The following ZNF45 variants were observed in gnomAD, a reference collection of about 807,000 sequenced individuals.
The protein encoded by ZNF45 is BRC1744.
ZNF45 carries 4 observed loss-of-function variants against 12.0 expected under a neutral mutation model. That is an observed-to-expected ratio of 0.33 (90% CI 0.16 to 0.76). The LOEUF (loss-of-function observed/expected upper bound fraction) is 0.76. Ranked by LOEUF, ZNF45 falls within the 30% of genes least tolerant of loss-of-function variation. The pLI, the probability that ZNF45 is intolerant of heterozygous loss-of-function variation, is 0.60. For synonymous variants in ZNF45, 272 were observed against 279.6 expected (o/e 0.97, Z 0.27); for missense variants, 700 against 813.0 (o/e 0.86, Z 1.69).
intron 2 of ZNF45, 85 bp from the exon 3 acceptor site, chr19:43,932,775 C>T (rs1208559313): frequency 1.3e-5 from 2 of 152,214 alleles, no homozygotes; most frequent in Non-Finnish European, 2.9e-5. Context: ...AATCATCTTT[C>T]TTTTCCTAAT....
At chr19:43,917,135 C>T (rs1362106172) in intron 9 of ZNF45, among the ~76,000 whole-genome samples, 1 of 152,116 alleles carries the variant, frequency 6.6e-6, no homozygotes, top group Non-Finnish European at 1.5e-5. Context: ...AATTCAGTTG[C>T]TTGTGACAAG....
intron 6 of ZNF45, among the ~76,000 whole-genome samples, chr19:43,922,831 T>TTG (rs1555747352): frequency 1.4e-5 from 2 of 142,224 alleles, no homozygotes; most frequent in Admixed American, 1.4e-4. Context: ...TTTTTTTTTT[T>TTG]TTTTTTTTTT....
intron 6 of ZNF45, 90 bp from the exon 7 acceptor site, chr19:43,922,307 TTTTG>T (rs2146971686): frequency 3.3e-6 from 3 of 906,680 alleles, no homozygotes; most frequent in South Asian, 1.9e-5. Context: ...TTTTGTTTTG[TTTTG>T]TTTTTTTTAA....
intron 3 of ZNF45, among the ~76,000 whole-genome samples, chr19:43,929,634 G>A (rs1394819147): frequency 6.6e-6 from 1 of 152,082 alleles, no homozygotes; most frequent in African/African-American, 2.4e-5. Flanking sequence ...ATCTCTCCAT[G>A]TTGTCACTCA....
At chr19:43,932,857 C>T (rs545484417) in intron 2 of ZNF45, among the ~76,000 whole-genome samples, 167 bp from the exon 3 acceptor site, 1 of 152,304 alleles carries the variant, frequency 6.6e-6, no homozygotes, top group East Asian at 1.9e-4. Flanking sequence ...CTCAGAGTTA[C>T]TGTTAATATC....
intron 9 of ZNF45, among the ~76,000 whole-genome samples, chr19:43,917,097 G>A (rs144406029): frequency 4.4e-4 from 67 of 152,270 alleles, no homozygotes; most frequent in African/African-American, 1.6e-3. Flanking sequence ...TCAAACTGAA[G>A]GCTAGGACTA....
rs1235119057 is a variant in ZNF45 at position 43,932,686 on chromosome 19, G to A, written c.-482C>T. The A allele has an allele frequency of 1.3e-5, 2 of 152,202 alleles. No individual in the cohort carries two copies. Among genetic ancestry groups the A allele is most frequent in the East Asian group, 3.8e-4 (2 of 5,200 alleles). 9.4% of individuals were successfully genotyped at this position (152,202 alleles called of 1,614,324 possible). ...TAATGTCCATGAAACAGAGGTCCCT[G>A]AAGTCTAATGGGAGAGAGATAGGAA... On this transcript the variant is annotated 5_prime_UTR_variant, in exon 3 of 10. Coordinates refer to ENST00000269973, the MANE Select transcript of ZNF45 (RefSeq NM_003425.4).
rs1488941885 is a variant in ZNF45 at position 43,935,063 on chromosome 19, C to G, written c.-895G>C. On this transcript the variant is annotated 5_prime_UTR_variant, in exon 1 of 10. Coordinates refer to ENST00000269973, the MANE Select transcript of ZNF45 (RefSeq NM_003425.4). ...CAGGGGACTCCCGAACCGCCCCGAACGCAGCAGCTCCGGATACAGTAAGGC... is the reference window on the plus strand; with the variant it reads ...CAGGGGACTCCCGAACCGCCCCGAAGGCAGCAGCTCCGGATACAGTAAGGC... 6.6e-6 allele frequency: 1 copy of G among 152,288 alleles called. No individual in the cohort carries two copies. The highest frequency in any genetic ancestry group is 6.5e-5 in the Admixed American group (1 of 15,286). 9.4% of individuals were successfully genotyped at this position (152,288 alleles called of 1,614,324 possible).
chr19:43,913,677 C>A lies in ZNF45; in HGVS notation c.1759G>T (p.Asp587Tyr), dbSNP rs757277849. The change falls in exon 10 of 10, where the codon GAT becomes TAT. Residue 587 changes from aspartate to tyrosine, a missense_variant. By Grantham distance (160) the Asp-to-Tyr change is radical. Coordinates refer to ENST00000269973, the MANE Select transcript of ZNF45 (RefSeq NM_003425.4). ...TGTCTGAAGCGCTTACCACACACAT[C>A]ACATCGGTATGGTTTTTCTCCTGTG... ...VHTGEKPYRC[D>Y]VCGKRFRQRS... The A allele has an allele frequency of 6.2e-7, 1 of 1,613,462 alleles. No homozygotes were observed. The highest frequency in any genetic ancestry group is 2.2e-5 in the East Asian group (1 of 44,820).
chr19:43,929,975 AGTGATGTCTT>A (rs1471561630), intron 3 of ZNF45: 1 of 152,272 alleles, frequency 6.6e-6, no homozygotes, highest in East Asian at 1.9e-4. Context: ...TGCCAGTTCA[AGTGATGTCTT>A]AGTCCATTTT....
chr19:43,914,978 T>TG lies in ZNF45; in HGVS notation c.457dup (p.Gln153ProfsTer9), dbSNP rs764973798. 6.2e-7 allele frequency: 1 copy of TG among 1,604,902 alleles called. No homozygotes were observed. Among genetic ancestry groups the TG allele is most frequent in the South Asian group, 1.1e-5 (1 of 90,742 alleles). On this transcript the variant is annotated frameshift_variant, in exon 10 of 10. Coordinates refer to ENST00000269973, the MANE Select transcript of ZNF45 (RefSeq NM_003425.4). LOFTEE classifies it low-confidence loss of function (END_TRUNC). ...TTCACCAGTGTGGACTCTGTGAACT[T>TG]GAAGATGGGAACTCTGATTACTGAA...
At chr19:43,920,419 G>A (rs1973033932) in intron 7 of ZNF45, among the ~76,000 whole-genome samples, 2 of 150,824 alleles carry the variant, frequency 1.3e-5, no homozygotes, top group Non-Finnish European at 2.9e-5. Flanking sequence ...GTTGTCTGCT[G>A]TGTGGGGGTG....
At position 43,914,218 on chromosome 19, in the gene ZNF45, A is replaced by G; in HGVS notation, c.1218T>C (p.His406=). The change falls in exon 10 of 10, where the codon CAT becomes CAC. Residue 406 remains histidine (H), a synonymous_variant. Transcript: ENST00000269973. ...GFCRASNLLD[H]QRGHTGEKPY... ...GTTTCTCTCCAGTATGGCCTCTTTG[A>G]TGGTCCAGCAGATTTGAGGCCCGGC... 1 of 1,609,066 alleles carries G rather than the reference A, an allele frequency of 6.2e-7. No homozygotes were observed. Among genetic ancestry groups the G allele is most frequent in the East Asian group, 2.2e-5 (1 of 44,560 alleles).
Position 43,914,391 on chromosome 19 carries a change from T to C in ZNF45, c.1045A>G (p.Ile349Val), listed in dbSNP as rs1219311242. The change falls in exon 10 of 10, where the codon ATT (isoleucine) becomes GTT (valine). Residue 349 changes from isoleucine (I) to valine (V), a missense_variant. Physicochemically the swap from Ile to Val is conservative, Grantham distance 29. Transcript: ENST00000269973. ...KSFSYSSHLN[I>V]HCRIHTGEKP... Reference sequence around the variant, plus strand: ...TCTCCTGTGTGGATTCTACAATGAATATTAAGGTGTGAGCTGTAACTAAAG... The same window carrying C: ...TCTCCTGTGTGGATTCTACAATGAACATTAAGGTGTGAGCTGTAACTAAAG... 1 of 1,610,774 alleles carries C rather than the reference T, an allele frequency of 6.2e-7. No homozygotes were observed. Among genetic ancestry groups the C allele is most frequent in the East Asian group, 2.2e-5 (1 of 44,784 alleles).
chr19:43,926,851 A>G (rs1050395200), intron 3 of ZNF45, among the ~76,000 whole-genome samples: 11 of 152,230 alleles, frequency 7.2e-5, no homozygotes. Flanking sequence ...AGGCAGAAAG[A>G]GATGGGCAGG....
Position 43,920,534 on chromosome 19 carries a change from G to GT in ZNF45, c.16-836dup, listed in dbSNP as rs1491453657. Among the ~76,000 whole-genome samples, 30 of 122,302 alleles carry GT rather than the reference G, an allele frequency of 2.5e-4. 2 individuals are homozygous for GT. Among genetic ancestry groups the GT allele is most frequent in the African/African-American group, 9.4e-4 (30 of 31,912 alleles). The allele number at this position is 122,302 out of a possible 152,430, so 80.2% of individuals were successfully genotyped here. ...CAGGAATGTTTCCAGATGTTGCCGG[G>GT]TGGGGGGGGGGGGCAGTGGGCGGTA... On this transcript the variant is annotated intron_variant, in intron 7 of 9. Coordinates refer to ENST00000269973, the MANE Select transcript of ZNF45 (RefSeq NM_003425.4).
chr19:43,932,244 G>A (rs1335432304), intron 3 of ZNF45, among the ~76,000 whole-genome samples: 2 of 152,190 alleles, frequency 1.3e-5, no homozygotes, highest in African/African-American at 2.4e-5. Context: ...GCTGAGGCAG[G>A]AGAATTGCTG....
chr19:43,932,218 C>T (rs576837550), intron 3 of ZNF45, among the ~76,000 whole-genome samples: 17 of 152,192 alleles, frequency 1.1e-4, no homozygotes, highest in Non-Finnish European at 2.2e-4. Context: ...CGCCTGTAAT[C>T]CCAGCTACTG....
At chr19:43,924,985 T>C (rs1973552564) in intron 4 of ZNF45, among the ~76,000 whole-genome samples, 1 of 152,214 alleles carries the variant, frequency 6.6e-6, no homozygotes, top group South Asian at 2.1e-4. Flanking sequence ...CCAATGTCTG[T>C]GTCCCCTCAA....
Sources: gnomAD v4.1 joint callset for allele counts (sites outside exome capture counted in the v4.1 genomes callset) on GRCh38, gnomAD v4.1.1 for gene constraint, MANE v1.5 for transcripts, NCBI Gene and HGNC (gene_info 2026-07-23, HGNC 2026-07-21) for gene names.